PARM1: variants seen among roughly 807,000 people sequenced by gnomAD.
PARM1 encodes the protein WSC4, cell wall integrity and stress response component 4 homolog.
Under a neutral mutation model 24.6 loss-of-function variants are expected in PARM1, and 14 were observed. The ratio of observed to expected loss-of-function variants is 0.57; its 90% confidence interval spans 0.38 to 0.89. The LOEUF is 0.89. Among genes scored for constraint, PARM1 ranks in the 40% least tolerant of loss-of-function variants. PARM1 has a pLI of 0.00. For synonymous variants in PARM1, 179 were observed against 156.6 expected (o/e 1.14, Z -1.07); for missense variants, 362 against 380.4 (o/e 0.95, Z 0.40).
At chr4:74,969,405 C>T (rs532964683) in intron 1 of PARM1, 1 of 152,308 alleles carries the variant, frequency 6.6e-6, no homozygotes, top group Non-Finnish European at 1.5e-5. Flanking sequence ...TGTTGTATCA[C>T]CCAAGTTGCA....
chr4:74,942,104 G>T (rs959595135), intron 1 of PARM1, among the ~76,000 whole-genome samples: 8 of 152,176 alleles, frequency 5.3e-5, no homozygotes, highest in Non-Finnish European at 1.5e-5. Flanking sequence ...TCTCTATCAA[G>T]TATGTATACC....
At chr4:74,971,985 A>G (rs919538860) in intron 1 of PARM1, among the ~76,000 whole-genome samples, 1 of 152,208 alleles carries the variant, frequency 6.6e-6, no homozygotes, top group Non-Finnish European at 1.5e-5. Context: ...TGTGACACAT[A>G]TTTTATTATT....
chr4:74,933,187 C>A lies in PARM1; in HGVS notation c.-141C>A, dbSNP rs1303619993. On this transcript the variant is annotated 5_prime_UTR_variant, in exon 1 of 4. Coordinates refer to ENST00000307428, the MANE Select transcript of PARM1 (RefSeq NM_015393.4). ...TGCGTTCGCCTCGTTTGCCTCGCGCCCTCCACTGGAGCTGTTCGCGCCTCC... is the reference window on the plus strand; with the variant it reads ...TGCGTTCGCCTCGTTTGCCTCGCGCACTCCACTGGAGCTGTTCGCGCCTCC... The A allele has an allele frequency of 4.7e-6, 3 of 640,070 alleles. No individual in the cohort carries two copies. The highest frequency in any genetic ancestry group is 8.3e-6 in the Non-Finnish European group (3 of 363,502). The allele number at this position is 640,070 out of a possible 1,614,324, so 39.6% of individuals were successfully genotyped here.
intron 1 of PARM1, among the ~76,000 whole-genome samples, chr4:75,009,261 C>T (rs1389014429): frequency 6.6e-6 from 1 of 152,110 alleles, no homozygotes; most frequent in Non-Finnish European, 1.5e-5. Flanking sequence ...GATGACAATC[C>T]AAATGTTAAA....
chr4:75,033,847 A>G lies in PARM1; in HGVS notation c.770-36A>G, dbSNP rs1209527165. The G allele has an allele frequency of 4.5e-6, 7 of 1,550,556 alleles. No homozygotes were observed. In the East Asian group the frequency reaches 1.4e-4, roughly 31 times the overall value. On this transcript the variant is annotated intron_variant, in intron 2 of 3. Coordinates refer to ENST00000307428, the MANE Select transcript of PARM1 (RefSeq NM_015393.4). ...AAGTCACATGATGCCCCGTATCCTC[A>G]TGTATCTTCTTTTCTGTGCCCTTCC...
chr4:75,019,230 C>T (rs898846595), intron 2 of PARM1, among the ~76,000 whole-genome samples: 1 of 152,164 alleles, frequency 6.6e-6, no homozygotes, highest in African/African-American at 2.4e-5. Context: ...GTGTTTGACT[C>T]CCTGAACAAC....
intron 2 of PARM1, among the ~76,000 whole-genome samples, chr4:75,024,627 G>A (rs569757030): frequency 1.3e-5 from 2 of 152,330 alleles, no homozygotes; most frequent in South Asian, 4.1e-4. Context: ...CTTCACCTTA[G>A]CAGACTGGAT....
chr4:75,037,637 C>T lies in PARM1; in HGVS notation c.848+3676C>T, dbSNP rs192102520. Among the ~76,000 whole-genome samples, 759 of 152,212 alleles carry T rather than the reference C, an allele frequency of 5.0e-3. 8 individuals are homozygous for T. Among genetic ancestry groups the T allele is most frequent in the Non-Finnish European group, 7.5e-3 (513 of 68,012 alleles). On this transcript the variant is annotated intron_variant, in intron 3 of 3. Coordinates refer to ENST00000307428, the MANE Select transcript of PARM1 (RefSeq NM_015393.4). ...GACTTATAAAATGAACTGCCCTGAA[C>T]CCAGGGCCCTTCTTGGTTTATGATC...
intron 1 of PARM1, among the ~76,000 whole-genome samples, chr4:74,951,114 C>T (rs890319082): frequency 1.3e-5 from 2 of 152,224 alleles, no homozygotes; most frequent in Admixed American, 1.3e-4. Context: ...TCTGGTAACT[C>T]AGCCAGCCTG....
intron 2 of PARM1, among the ~76,000 whole-genome samples, chr4:75,020,009 C>CAAAAAAAAAAAAAA (rs1161399344): frequency 3.2e-5 from 1 of 31,044 alleles, no homozygotes. Flanking sequence ...GACTCCGTCT[C>CAAAAAAAAAAAAAA]AAAAAAAAAA....
chr4:74,951,277 A>C (rs1426123465), intron 1 of PARM1, among the ~76,000 whole-genome samples: 1 of 152,232 alleles, frequency 6.6e-6, no homozygotes, highest in African/African-American at 2.4e-5. Context: ...CGTATCATTT[A>C]CATCACCACG....
intron 1 of PARM1, among the ~76,000 whole-genome samples, chr4:74,960,424 A>C (rs1370344071): frequency 6.6e-6 from 1 of 152,190 alleles, no homozygotes; most frequent in African/African-American, 2.4e-5. Context: ...TGATCAGGGA[A>C]AGGCAGTCTT....
chr4:74,983,046 G>A (rs1407396693), intron 1 of PARM1, among the ~76,000 whole-genome samples: 1 of 152,190 alleles, frequency 6.6e-6, no homozygotes, highest in Admixed American at 6.5e-5. Context: ...ACCAGATATT[G>A]TCTTGTATCT....
chr4:75,002,965 C>CT (rs1002337835), intron 1 of PARM1, among the ~76,000 whole-genome samples: 2 of 152,194 alleles, frequency 1.3e-5, no homozygotes, highest in African/African-American at 2.4e-5. Context: ...TTGTGTGGGC[C>CT]TTTGTGTGTA....
intron 1 of PARM1, among the ~76,000 whole-genome samples, chr4:74,999,952 G>A (rs1210854114): frequency 1.3e-5 from 2 of 152,004 alleles, no homozygotes; most frequent in East Asian, 3.9e-4. Flanking sequence ...ATTTATCTGG[G>A]TTTTTGTCTT....
At chr4:75,038,277 A>C (rs2109812515) in intron 3 of PARM1, among the ~76,000 whole-genome samples, 1 of 152,350 alleles carries the variant, frequency 6.6e-6, no homozygotes, top group Middle Eastern at 3.4e-3. Context: ...CTATAATAAT[A>C]ATAGTACCTA....
intron 1 of PARM1, among the ~76,000 whole-genome samples, chr4:74,979,870 A>G (rs1398559940): frequency 6.6e-6 from 1 of 152,208 alleles, no homozygotes; most frequent in Non-Finnish European, 1.5e-5. Flanking sequence ...CAAAAACCAC[A>G]TGATTATCTC....
chr4:74,933,873 A>T (rs1721120814), intron 1 of PARM1, among the ~76,000 whole-genome samples: 1 of 152,046 alleles, frequency 6.6e-6, no homozygotes, highest in Non-Finnish European at 1.5e-5. Flanking sequence ...GCGGTCTCTG[A>T]TCTCCGGCGT....
chr4:74,934,996 C>T (rs368586268), intron 1 of PARM1, among the ~76,000 whole-genome samples: 23 of 116,494 alleles, frequency 2.0e-4, no homozygotes, highest in Non-Finnish European at 2.0e-4. Context: ...GCTCTTTTTT[C>T]TTTTTTTTTT....
Sources: gnomAD v4.1 joint callset for allele counts (sites outside exome capture counted in the v4.1 genomes callset) on GRCh38, gnomAD v4.1.1 for gene constraint, MANE v1.5 for transcripts, NCBI Gene and HGNC (gene_info 2026-07-23, HGNC 2026-07-21) for gene names.